Variants in DLC1 observed in about 807,000 individuals in gnomAD.
DLC1 encodes rho GTPase-activating protein 7.
In DLC1, 54 loss-of-function variants were observed where a neutral mutation model predicts 140.3. The ratio of observed to expected loss-of-function variants is 0.38; its 90% CI spans 0.31 to 0.48. The LOEUF (loss-of-function observed/expected upper bound fraction) is 0.48, where lower values mean the gene tolerates loss of function less well. Among genes scored for constraint, DLC1 ranks in the 20% least tolerant of loss-of-function variants. The pLI is 0.96. For synonymous variants in DLC1, 986 were observed against 728.1 expected, an observed-to-expected ratio of 1.35 and a Z score of -5.70; for missense variants, 2,536 against 1,907.0, an observed-to-expected ratio of 1.33 and a Z score of -6.14.
intron 5 of DLC1, among the ~76,000 whole-genome samples, chr8:13,155,082 C>A (rs1824148260): frequency 6.6e-6 from 1 of 151,496 alleles, no homozygotes; most frequent in South Asian, 2.1e-4. Context: ...TATTTAAACA[C>A]ACCCTTTTTC....
intron 4 of DLC1, among the ~76,000 whole-genome samples, chr8:13,346,471 C>T (rs1834344639): frequency 1.3e-5 from 2 of 152,228 alleles, no homozygotes; most frequent in South Asian, 4.1e-4. Flanking sequence ...AAATCATTTT[C>T]TCACAGACGG....
chr8:13,116,562 C>T (rs573527694), intron 5 of DLC1, among the ~76,000 whole-genome samples: 8 of 152,146 alleles, frequency 5.3e-5, no homozygotes, highest in Non-Finnish European at 1.0e-4. Flanking sequence ...ATAATTTATG[C>T]CAGATTCAAA....
At chr8:13,221,700 ATGTGTGTGTATATGTGTGTGTGTGTG>A (rs1241753852) in intron 5 of DLC1, among the ~76,000 whole-genome samples, 2 of 117,490 alleles carry the variant, frequency 1.7e-5, no homozygotes, top group East Asian at 5.0e-4. Context: ...GTGTGTGTAT[ATGTGTGTGTATATGTGTGTGTGTGTG>A]TATATATATA....
At chr8:13,152,554 A>C (rs1193426285) in intron 5 of DLC1, among the ~76,000 whole-genome samples, 1 of 152,160 alleles carries the variant, frequency 6.6e-6, no homozygotes, top group Non-Finnish European at 1.5e-5. Context: ...ATTCAAATAT[A>C]AGTTTTTAAA....
chr8:13,355,945 C>A (rs909382174), intron 4 of DLC1, among the ~76,000 whole-genome samples: 2 of 151,486 alleles, frequency 1.3e-5, no homozygotes, highest in Non-Finnish European at 1.5e-5. Context: ...AAAAAATTAG[C>A]CAGGCATAGT....
chr8:13,202,412 C>T lies in DLC1; in HGVS notation c.1349-86755G>A, dbSNP rs533488592. ...CCATCACCTCAAACACTTGCCATTT[C>T]TTTGCAATGAGAATGTTATATCAAG... On this transcript the variant is annotated intron_variant, in intron 5 of 17. Transcript: ENST00000276297. Among the ~76,000 whole-genome samples, 3 of 152,256 alleles carry T rather than the reference C, an allele frequency of 2.0e-5. No individual in the cohort carries two copies. In the South Asian group the frequency reaches 6.2e-4, roughly 32 times the overall value.
intron 1 of DLC1, among the ~76,000 whole-genome samples, chr8:13,570,555 T>C (rs963215748): frequency 1.4e-5 from 2 of 147,404 alleles, no homozygotes; most frequent in African/African-American, 5.0e-5. Context: ...GTTTGGTTTT[T>C]TGTTCTTGCG....
chr8:13,162,669 A>G (rs899757515), intron 5 of DLC1, among the ~76,000 whole-genome samples: 4 of 152,096 alleles, frequency 2.6e-5, no homozygotes, highest in Non-Finnish European at 5.9e-5. Flanking sequence ...TACAGTGGGT[A>G]CAGCTCACGA....
In DLC1 at chr8:13,306,832, C is replaced by G. The variant is rs368838409; in HGVS notation, c.1315-1530G>C. 1.4e-3 allele frequency among the ~76,000 whole-genome samples: 211 copies of G among 151,864 alleles called. 1 individual carries two copies. In the Middle Eastern group the frequency reaches 0.017, roughly 12 times the overall value. On this transcript the variant is annotated intron_variant, in intron 4 of 17. Transcript: ENST00000276297. Reference sequence around the variant, plus strand: ...GGCACCGTGGCTCACCCCTGTAATCCCAGCACTTTGGGAGGCCGAGGCGGG... The same window carrying G: ...GGCACCGTGGCTCACCCCTGTAATCGCAGCACTTTGGGAGGCCGAGGCGGG...
rs1224750474 is a variant in DLC1, at chr8:13,100,090, G to T, written c.2247C>A (p.Thr749=). The change falls in exon 9 of 18, where the codon ACC becomes ACA. Residue 749 remains threonine (T), a synonymous_variant. Coordinates refer to ENST00000276297, the MANE Select transcript of DLC1 (RefSeq NM_182643.3). ...GGCTGGGCGTGCTGACCGCGCTGCTGGTCTCCGACTGGCTGCTGCTGCTGC... is the reference window on the plus strand; with the variant it reads ...GGCTGGGCGTGCTGACCGCGCTGCTTGTCTCCGACTGGCTGCTGCTGCTGC... ...QTSSSSSQSE[T]SSAVSTPSPV... The T allele has an allele frequency of 6.2e-7, 1 of 1,613,796 alleles. No homozygotes were observed. Among genetic ancestry groups the T allele is most frequent in the Non-Finnish European group, 8.5e-7 (1 of 1,180,044 alleles).
At chr8:13,596,083 G>T (rs1278665022) in intron 1 of DLC1, among the ~76,000 whole-genome samples, 1 of 151,962 alleles carries the variant, frequency 6.6e-6, no homozygotes, top group Non-Finnish European at 1.5e-5. Flanking sequence ...GTTTCAGTTG[G>T]ATTTGTTCTT....
chr8:13,494,810 A>G (rs933497898), intron 2 of DLC1, among the ~76,000 whole-genome samples: 2 of 151,984 alleles, frequency 1.3e-5, no homozygotes, highest in Non-Finnish European at 2.9e-5. Context: ...AATTAGCCAG[A>G]TGTGAGGGTG....
intron 5 of DLC1, among the ~76,000 whole-genome samples, chr8:13,185,841 G>C (rs540126772): frequency 2.0e-5 from 3 of 152,234 alleles, no homozygotes; most frequent in African/African-American, 4.8e-5. Context: ...AGGCAGGCCT[G>C]GTGGTGACAA....
At chr8:13,391,540 C>G (rs1292692551) in intron 4 of DLC1, among the ~76,000 whole-genome samples, 1 of 152,082 alleles carries the variant, frequency 6.6e-6, no homozygotes, top group Non-Finnish European at 1.5e-5. Context: ...GATTCCATCA[C>G]TCTAACAAAT....
At chr8:13,194,329 T>A (rs1387078051) in intron 5 of DLC1, among the ~76,000 whole-genome samples, 2 of 152,240 alleles carry the variant, frequency 1.3e-5, no homozygotes, top group Non-Finnish European at 2.9e-5. Flanking sequence ...GGAAACTTCC[T>A]TGGGAGCTGA....
chr8:13,103,289 C>G (rs1007453121), intron 7 of DLC1, among the ~76,000 whole-genome samples: 1 of 150,488 alleles, frequency 6.6e-6, no homozygotes, highest in African/African-American at 2.4e-5. Context: ...CCAGCCTGGG[C>G]GACAGAGTGA....
intron 5 of DLC1, among the ~76,000 whole-genome samples, chr8:13,270,879 C>G (rs1363879337): frequency 6.6e-6 from 1 of 152,122 alleles, no homozygotes; most frequent in Non-Finnish European, 1.5e-5. Context: ...ATGTCAATGA[C>G]TCTCTAAGCA....
At chr8:13,510,847 C>G (rs1802326746) in intron 1 of DLC1, among the ~76,000 whole-genome samples, 1 of 152,130 alleles carries the variant, frequency 6.6e-6, no homozygotes, top group Admixed American at 6.6e-5. Flanking sequence ...GCCCCAGGCT[C>G]TGATGACTCT....
At chr8:13,330,394 A>G (rs182738172) in intron 4 of DLC1, among the ~76,000 whole-genome samples, 74 of 152,320 alleles carry the variant, frequency 4.9e-4, no homozygotes, top group Middle Eastern at 3.4e-3. Context: ...TACATATTCA[A>G]TGGAATCCTC....
Sources: gnomAD v4.1 joint callset for allele counts (sites outside exome capture counted in the v4.1 genomes callset) on GRCh38, gnomAD v4.1.1 for gene constraint, MANE v1.5 for transcripts, NCBI Gene and HGNC (gene_info 2026-07-23, HGNC 2026-07-21) for gene names.